Variants in CEP72 observed in about 807,000 individuals in gnomAD.
CEP72 encodes the protein centrosomal protein of 72 kDa.
In CEP72, 78 loss-of-function variants were observed where a neutral mutation model predicts 65.7. The observed-to-expected ratio is 1.19, with a 90% CI of 0.99 to 1.43. The LOEUF (loss-of-function observed/expected upper bound fraction) is 1.43. CEP72 is among the 40% of genes most tolerant of loss of function. The pLI is 0.00. For synonymous variants in CEP72, 358 were observed against 351.7 expected (o/e 1.02, Z -0.20); for missense variants, 914 against 832.9 (o/e 1.10, Z -1.20).
intron 1 of CEP72, among the ~76,000 whole-genome samples, chr5:618,355 A>G (rs1736130348): frequency 2.0e-5 from 3 of 152,230 alleles, no homozygotes. Flanking sequence ...TCTCTCTGAG[A>G]AAAGCTGAAA....
At chr5:649,898 T>C (rs1319293543) in intron 11 of CEP72, among the ~76,000 whole-genome samples, 1 of 103,358 alleles carries the variant, frequency 9.7e-6, no homozygotes, top group East Asian at 3.0e-4. Flanking sequence ...GACTGTGAGG[T>C]GTGACTGAGG....
intron 11 of CEP72, among the ~76,000 whole-genome samples, chr5:652,729 A>G (rs1425226611): frequency 6.6e-6 from 1 of 152,234 alleles, no homozygotes; most frequent in African/African-American, 2.4e-5. Flanking sequence ...TAGCCTGTTC[A>G]GCTCATTCAT....
At position 653,098 on chromosome 5, in the gene CEP72, C is replaced by T. The variant is rs769045219; in HGVS notation, c.1889C>T (p.Thr630Ile). ...MHWSYQELKK[T>I]MALFPHSSAS... ...TGGAGCTACCAGGAGCTCAAGAAGA[C>T]CATGGCCCTGTTTCCACACAGCAGC... The change falls in exon 12 of 12, where the codon ACC (threonine) becomes ATC (isoleucine). Residue 630 changes from threonine to isoleucine, a missense_variant. Transcript: ENST00000264935. The T allele has an allele frequency of 8.1e-6, 13 of 1,613,508 alleles. No individual in the cohort carries two copies. The highest frequency in any genetic ancestry group is 1.1e-5 in the South Asian group (1 of 91,078).
intron 3 of CEP72, among the ~76,000 whole-genome samples, chr5:665,497 C>T (rs115583953): frequency 0.017 from 2,601 of 152,148 alleles, 75 homozygotes; most frequent in African/African-American, 0.059. Context: ...GGTGCCACAA[C>T]CCTAACAATT....
Position 612,419 on chromosome 5 carries a change from G to A in CEP72, c.58G>A (p.Gly20Ser). 1 of 1,483,766 alleles carries A rather than the reference G, an allele frequency of 6.7e-7. No homozygotes were observed. 91.9% of individuals were successfully genotyped at this position (1,483,766 alleles called of 1,614,324 possible). ...LSEEAVRAKS[G>S]LGPHRDLAEL... is the part of the protein sequence containing the mutation. ...CGAGGAGGCGGTTCGGGCGAAGAGC[G>A]GCTTAGGGCCTCACCGCGACCTGGG... is the stretch of plus-strand genomic sequence containing the variant. Residue 20 changes from glycine (G) to serine (S), a missense_variant, in exon 1 of 12, where the codon GGC (glycine) becomes AGC (serine). By Grantham distance (56) the Gly-to-Ser change is moderately conservative (BLOSUM62 0). Coordinates refer to ENST00000264935, the MANE Select transcript of CEP72 (RefSeq NM_018140.4).
At chr5:633,701 C>T (rs537047155) in intron 4 of CEP72, 68 bp from the exon 5 acceptor site, 1 of 1,473,014 alleles carries the variant, frequency 6.8e-7, no homozygotes, top group Admixed American at 2.0e-5. Context: ...TTTTCCTTCT[C>T]CTGGTCTGCG....
At chr5:633,388 T>G (rs56394026) in intron 4 of CEP72, among the ~76,000 whole-genome samples, 21,492 of 105,444 alleles carry the variant, frequency 0.2, 2,294 homozygotes, top group East Asian at 0.37. Flanking sequence ...TGTCCAGTGC[T>G]GGATTTGACC....
intron 5 of CEP72, 47 bp from the exon 6 acceptor site, chr5:635,325 A>C: frequency 7.1e-7 from 1 of 1,406,086 alleles, no homozygotes; most frequent in Non-Finnish European, 9.8e-7. Context: ...ATGGAATAAA[A>C]CTTTTACAAT....
the CEP72 span, among the ~76,000 whole-genome samples, chr5:672,283 G>A: frequency 6.6e-6 from 1 of 151,230 alleles, no homozygotes; most frequent in Admixed American, 6.5e-5. Flanking sequence ...TGGCCCTGCT[G>A]TTCTCAGTCT....
downstream of CEP72, among the ~76,000 whole-genome samples, chr5:657,767 T>C (rs1483632796): frequency 6.6e-6 from 1 of 152,240 alleles, no homozygotes; most frequent in Non-Finnish European, 1.5e-5. Context: ...GTCACTGTGA[T>C]AGCTTCCCTG....
intron 11 of CEP72, among the ~76,000 whole-genome samples, chr5:649,901 G>A (rs1738841092): frequency 8.3e-6 from 1 of 120,362 alleles, no homozygotes; most frequent in South Asian, 2.9e-4. Flanking sequence ...TGTGAGGTGT[G>A]ACTGAGGTGT....
downstream of CEP72, among the ~76,000 whole-genome samples, chr5:658,691 T>C (rs1276202631): frequency 5.5e-5 from 6 of 109,352 alleles, no homozygotes; most frequent in Admixed American, 1.3e-4. Context: ...TTTTTTGAGA[T>C]GGAGTCTCGC....
At chr5:612,483 C>CGGGGGGG in intron 1 of CEP72, 40 bp downstream of exon 1, 2 of 474,498 alleles carry the variant, frequency 4.2e-6, no homozygotes, top group South Asian at 3.1e-5. Flanking sequence ...CGTGAGGTGG[C>CGGGGGGG]GGGGGGGTGG....
the CEP72 span, among the ~76,000 whole-genome samples, chr5:675,038 G>A: frequency 2.0e-5 from 2 of 98,256 alleles, no homozygotes; most frequent in Non-Finnish European, 4.3e-5. Flanking sequence ...GCAGTGAGGG[G>A]GGTACAGTAT....
At chr5:656,026 A>G (rs1383332240), downstream of CEP72, among the ~76,000 whole-genome samples, 2 of 152,186 alleles carry the variant, frequency 1.3e-5, no homozygotes, top group African/African-American at 4.8e-5. Context: ...TACCTTCCAA[A>G]GGATTTTATA....
downstream of CEP72, among the ~76,000 whole-genome samples, chr5:668,936 C>T (rs1010701167): frequency 6.1e-4 from 93 of 152,184 alleles, no homozygotes; most frequent in African/African-American, 2.0e-3. Flanking sequence ...GGGTGATTCC[C>T]AGACCCCAAG....
At chr5:671,589 A>G (rs1253060422), downstream of CEP72, among the ~76,000 whole-genome samples, 1 of 152,220 alleles carries the variant, frequency 6.6e-6, no homozygotes, top group Non-Finnish European at 1.5e-5. Context: ...GTCGCCGCAC[A>G]GTGCTCTGGG....
At chr5:626,051 G>T (rs1428109516) in intron 4 of CEP72, among the ~76,000 whole-genome samples, 1 of 4,040 alleles carries the variant, frequency 2.5e-4, no homozygotes, top group South Asian at 7.9e-3. Context: ...TGGGGGGCAG[G>T]GGGGGGCGGC....
chr5:624,649 C>T lies in CEP72; in HGVS notation c.512+70C>T, dbSNP rs879491543. On this transcript the variant is annotated intron_variant, in intron 4 of 11. Transcript: ENST00000264935. The surrounding 1 kb of genome is among the most constrained non-coding windows in gnomAD (Gnocchi z 4.7). ...CCTGCTGTCAGGAGGATTAACCGAA[C>T]GTCATTCACTGTGTGCCGGTCACTC... is the stretch of plus-strand genomic sequence containing the variant. 22 of 1,103,316 alleles carry T rather than the reference C, an allele frequency of 2.0e-5. No homozygotes were observed. Among genetic ancestry groups the T allele is most frequent in the African/African-American group, 4.6e-5 (3 of 64,950 alleles). 68.3% of individuals were successfully genotyped at this position (1,103,316 alleles called of 1,614,324 possible).
Sources: allele counts gnomAD v4.1 joint callset (sites outside exome capture counted in the v4.1 genomes callset), GRCh38; gene constraint gnomAD v4.1.1; non-coding constraint Gnocchi (gnomAD v3.1); transcripts MANE v1.5; gene names NCBI Gene and HGNC (gene_info 2026-07-23, HGNC 2026-07-21).